The following OSBP2 variants were observed in gnomAD, a reference collection of about 807,000 sequenced individuals.
OSBP2 encodes oxysterol-binding protein 2.
A neutral mutation model predicts 96.0 loss-of-function variants in OSBP2; 66 were observed. The ratio of observed to expected loss-of-function variants is 0.69; its 90% CI spans 0.56 to 0.84. The LOEUF is 0.84. OSBP2 is among the 40% of genes least tolerant of loss of function. The pLI, the probability that OSBP2 is intolerant of heterozygous loss-of-function variation, is 0.00. For synonymous variants in OSBP2, 525 were observed against 520.9 expected (o/e 1.01, Z -0.11); for missense variants, 1,038 against 1,222.7 (o/e 0.85, Z 2.25).
intron 2 of OSBP2, among the ~76,000 whole-genome samples, chr22:30,856,038 G>A (rs1254445443): frequency 3.9e-5 from 6 of 152,224 alleles, no homozygotes; most frequent in Non-Finnish European, 8.8e-5. Context: ...CATTGGTTGG[G>A]CTTTGAGGAG....
intron 1 of OSBP2, among the ~76,000 whole-genome samples, chr22:30,697,012 A>G (rs1463916113): frequency 6.6e-6 from 1 of 152,074 alleles, no homozygotes; most frequent in Admixed American, 6.6e-5. Flanking sequence ...CACAGAGCCC[A>G]TTATCCAAAG....
intron 12 of OSBP2, among the ~76,000 whole-genome samples, chr22:30,903,925 A>AGATG (rs1413450811): frequency 6.6e-6 from 1 of 152,238 alleles, no homozygotes; most frequent in Non-Finnish European, 1.5e-5. Flanking sequence ...CAGGACCTTC[A>AGATG]GATGATCGTA....
intron 1 of OSBP2, among the ~76,000 whole-genome samples, chr22:30,701,970 A>G (rs141137489): frequency 6.6e-6 from 1 of 152,298 alleles, no homozygotes; most frequent in Non-Finnish European, 1.5e-5. Context: ...TTGGAGGAGC[A>G]CAGTGCACAC....
At chr22:30,730,774 C>CTCTATATA (rs1569100458) in intron 1 of OSBP2, among the ~76,000 whole-genome samples, 5 of 13,838 alleles carry the variant, frequency 3.6e-4, no homozygotes, top group African/African-American at 5.7e-4. Flanking sequence ...CTCTCTCTCT[C>CTCTATATA]TATATATATA....
intron 2 of OSBP2, among the ~76,000 whole-genome samples, chr22:30,830,475 C>A (rs1204477504): frequency 2.0e-5 from 3 of 152,242 alleles, no homozygotes; most frequent in Non-Finnish European, 4.4e-5. Flanking sequence ...GGACAAGTGT[C>A]TTTCCTGGTC....
intron 2 of OSBP2, among the ~76,000 whole-genome samples, chr22:30,804,498 T>C (rs1423745853): frequency 2.0e-5 from 3 of 152,110 alleles, no homozygotes; most frequent in Non-Finnish European, 4.4e-5. Flanking sequence ...TGAGATGATG[T>C]GCTGGTTTTA....
intron 1 of OSBP2, among the ~76,000 whole-genome samples, chr22:30,702,869 C>T (rs1211368699): frequency 6.6e-6 from 1 of 152,212 alleles, no homozygotes; most frequent in African/African-American, 2.4e-5. Flanking sequence ...GTAGTACTTG[C>T]CACTGATACA....
intron 1 of OSBP2, among the ~76,000 whole-genome samples, chr22:30,725,025 A>C (rs962014544): frequency 2.6e-4 from 40 of 151,506 alleles, no homozygotes; most frequent in Admixed American, 1.3e-4. Flanking sequence ...TACAAAAAAA[A>C]ATTAGCCGGG....
intron 4 of OSBP2, 22 bp downstream of exon 4, chr22:30,887,640 G>T: frequency 6.4e-7 from 1 of 1,559,258 alleles, no homozygotes; most frequent in Non-Finnish European, 8.7e-7. Context: ...GCCAGGGCAG[G>T]GCTGTCCCAT....
chr22:30,711,658 C>T (rs374582970), intron 1 of OSBP2, among the ~76,000 whole-genome samples: 1 of 149,086 alleles, frequency 6.7e-6, no homozygotes, highest in Non-Finnish European at 1.5e-5. Context: ...GAGGGTCACT[C>T]GAGCCTGGGA....
At chr22:30,704,513 G>A (rs2089216742) in intron 1 of OSBP2, among the ~76,000 whole-genome samples, 1 of 139,828 alleles carries the variant, frequency 7.2e-6, no homozygotes, top group Admixed American at 7.7e-5. Context: ...CAGAAGGAAA[G>A]CAGATTTTTT....
At chr22:30,828,921 G>A (rs542564966) in intron 2 of OSBP2, among the ~76,000 whole-genome samples, 30 of 152,274 alleles carry the variant, frequency 2.0e-4, no homozygotes, top group African/African-American at 7.2e-4. Context: ...GGACTGGAAG[G>A]GCCTGGAGGG....
rs985151896 is a variant in OSBP2 at position 30,843,966 on chromosome 22, C to A, written c.854-26463C>A. Among the ~76,000 whole-genome samples the A allele has an allele frequency of 1.7e-4, 26 of 151,980 alleles. 4 individuals are homozygous for A. The highest frequency in any genetic ancestry group is 1.5e-3 in the Admixed American group (23 of 15,258). ...ACAGCTCACTGGAGACTTCACCTTC[C>A]TGGGCTCAGGTGATCTTCCTACCTC... On this transcript the variant is annotated intron_variant, in intron 2 of 13. Transcript: ENST00000332585.
intron 3 of OSBP2, among the ~76,000 whole-genome samples, chr22:30,877,776 G>A (rs745607024): frequency 9.2e-5 from 14 of 152,202 alleles, no homozygotes; most frequent in Non-Finnish European, 4.4e-5. Flanking sequence ...GACTGCACCT[G>A]ACTCGACCCC....
chr22:30,730,810 T>TATATATATATATATATAA (rs1491091512), intron 1 of OSBP2, among the ~76,000 whole-genome samples: 1 of 54,782 alleles, frequency 1.8e-5, no homozygotes, highest in Non-Finnish European at 3.4e-5. Flanking sequence ...ATATATATAA[T>TATATATATATATATATAA]TTTTTTTTTT....
intron 1 of OSBP2, among the ~76,000 whole-genome samples, chr22:30,728,408 A>AT (rs1347159002): frequency 4.8e-4 from 73 of 151,804 alleles, no homozygotes; most frequent in African/African-American, 1.7e-3. Context: ...AAAAAAAAAA[A>AT]AATACAAAAA....
At chr22:30,778,169 C>CTTTTTTTTTTTTTTTTTTTTTTTTTT (rs1569119423) in intron 2 of OSBP2, among the ~76,000 whole-genome samples, 1 of 124,182 alleles carries the variant, frequency 8.1e-6, no homozygotes, top group Non-Finnish European at 1.7e-5. Context: ...TAATTTTTGC[C>CTTTTTTTTTTTTTTTTTTTTTTTTTT]CTTTTTTTTT....
At chr22:30,737,175 C>G (rs1460258822) in intron 1 of OSBP2, among the ~76,000 whole-genome samples, 1 of 152,138 alleles carries the variant, frequency 6.6e-6, no homozygotes, top group Non-Finnish European at 1.5e-5. Context: ...ATCACCACAC[C>G]TGGCTAATTT....
In OSBP2 at chr22:30,845,206, G is replaced by A. The variant is rs188151048; in HGVS notation, c.854-25223G>A. 3.9e-5 allele frequency among the ~76,000 whole-genome samples: 6 copies of A among 152,278 alleles called. No homozygotes were observed. In the East Asian group the frequency reaches 5.8e-4, roughly 15 times the overall value. On this transcript the variant is annotated intron_variant, in intron 2 of 13. Coordinates refer to ENST00000332585, the MANE Select transcript of OSBP2 (RefSeq NM_030758.4). The stretch of plus-strand genomic sequence containing the variant: ...AGTACTCTGGGAGGCCAAGGTGGGC[G>A]GATCACCTGAGGTCAGGAGTTTACA...
Sources: gnomAD v4.1 joint callset for allele counts (sites outside exome capture counted in the v4.1 genomes callset) on GRCh38, gnomAD v4.1.1 for gene constraint, MANE v1.5 for transcripts, NCBI Gene and HGNC (gene_info 2026-07-23, HGNC 2026-07-21) for gene names.